CUL2: variants seen among roughly 807,000 people sequenced by gnomAD.
CUL2 encodes the protein cullin-2.
CUL2 carries 22 observed loss-of-function variants against 110.2 expected under a neutral mutation model. The ratio of observed to expected loss-of-function variants is 0.20; its 90% CI spans 0.14 to 0.28. The LOEUF is 0.28. CUL2 is among the 10% of genes least tolerant of loss of function. The pLI is 1.00. For synonymous variants in CUL2, 279 were observed against 293.2 expected, an observed-to-expected ratio of 0.95 and a Z score of 0.49; for missense variants, 631 against 905.5, an observed-to-expected ratio of 0.70 and a Z score of 3.89.
chr10:35,074,132 C>G (rs1257996711), intron 1 of CUL2: 5 of 1,493,950 alleles, frequency 3.3e-6, no homozygotes, highest in Non-Finnish European at 4.5e-6. Flanking sequence ...AAACAAAGTT[C>G]TTGACTTCAA....
chr10:35,089,156 C>G (rs2087135821), intron 1 of CUL2, among the ~76,000 whole-genome samples: 1 of 152,200 alleles, frequency 6.6e-6, no homozygotes, highest in Admixed American at 6.5e-5. Flanking sequence ...GCCTGGGTGA[C>G]AAGAGCAAAA....
rs975318242 is a variant in CUL2, at chr10:35,009,309, G to A, written c.*1002C>T. On this transcript the variant is annotated 3_prime_UTR_variant, in exon 21 of 21. Transcript: ENST00000374749. ...TAAAAAAGTATTTAGGTTATGCATT[G>A]CTAAGCACATCTGTGATTGATGAGA... 7 of 151,088 alleles carry A rather than the reference G, an allele frequency of 4.6e-5. No homozygotes were observed. Among genetic ancestry groups the A allele is most frequent in the African/African-American group, 1.7e-4 (7 of 41,062 alleles). 9.4% of individuals were successfully genotyped at this position (151,088 alleles called of 1,614,324 possible).
chr10:35,030,735 G>C (rs1249228322), intron 14 of CUL2, among the ~76,000 whole-genome samples: 1 of 152,010 alleles, frequency 6.6e-6, no homozygotes, highest in Non-Finnish European at 1.5e-5. Context: ...GTTTAAAAAA[G>C]AGCACACAGC....
At chr10:35,071,077 AGAT>A (rs1404568852) in intron 2 of CUL2, 119 bp downstream of exon 2, 2 of 904,450 alleles carry the variant, frequency 2.2e-6, no homozygotes, top group Admixed American at 2.6e-5. Flanking sequence ...TTGGAAATGT[AGAT>A]GATAATATAT....
upstream of CUL2, among the ~76,000 whole-genome samples, chr10:35,094,407 G>C (rs1020478786): frequency 6.6e-6 from 1 of 152,204 alleles, no homozygotes; most frequent in South Asian, 2.1e-4. Context: ...AGCTAATTTT[G>C]TATTTTTAGT....
rs199989127 is a variant in CUL2, at chr10:35,021,495, AGAT to A, written c.1684+3634_1684+3636del. ...CAAATATGTAGTGATAAAACTATATAGATGATATTTCCATAATTAATACATGTT... is the reference window on the plus strand; with the variant it reads ...CAAATATGTAGTGATAAAACTATATAGATATTTCCATAATTAATACATGTT... On this transcript the variant is annotated intron_variant, in intron 17 of 20. Transcript: ENST00000374749. Among the ~76,000 whole-genome samples, 1,093 of 151,602 alleles carry A rather than the reference AGAT, an allele frequency of 7.2e-3. 50 individuals carry two copies. In the South Asian group the frequency reaches 0.13, roughly 18 times the overall value.
At chr10:35,099,475 T>G (rs1461021741) in intron 2 of CUL2, 1 of 151,390 alleles carries the variant, frequency 6.6e-6, no homozygotes, top group African/African-American at 2.4e-5. Context: ...AAGTAGAAAC[T>G]ACCCAAGATT....
At chr10:35,051,695 T>A (rs2086116672) in intron 5 of CUL2, among the ~76,000 whole-genome samples, 1 of 152,254 alleles carries the variant, frequency 6.6e-6, no homozygotes. Flanking sequence ...AATTCTTTAA[T>A]GTTTATTGTC....
intron 9 of CUL2, among the ~76,000 whole-genome samples, chr10:35,038,046 G>C (rs549447949): frequency 6.6e-6 from 1 of 151,842 alleles, no homozygotes; most frequent in East Asian, 2.0e-4. Flanking sequence ...CCAGCTACTT[G>C]GGAGGCTGAG....
intron 1 of CUL2, among the ~76,000 whole-genome samples, chr10:35,117,509 C>T (rs1038699328): frequency 5.3e-5 from 8 of 150,394 alleles, no homozygotes; most frequent in Admixed American, 1.3e-4. Flanking sequence ...GAATTACAGG[C>T]GTGAGTCACT....
intron 8 of CUL2, among the ~76,000 whole-genome samples, chr10:35,042,846 CCAGT>C (rs2085829567): frequency 6.6e-6 from 1 of 152,098 alleles, no homozygotes; most frequent in South Asian, 2.1e-4. Context: ...AACTTGAAAG[CCAGT>C]CGGTCAGTAG....
At chr10:35,116,475 ATATC>A (rs1348352232) in intron 1 of CUL2, among the ~76,000 whole-genome samples, 12 of 152,216 alleles carry the variant, frequency 7.9e-5, no homozygotes, top group Non-Finnish European at 1.6e-4. Context: ...GAAAAGATCT[ATATC>A]TATTGTTTCT....
chr10:35,051,972 T>C (rs1054418136), intron 5 of CUL2, among the ~76,000 whole-genome samples: 3 of 152,234 alleles, frequency 2.0e-5, no homozygotes, highest in African/African-American at 4.8e-5. Flanking sequence ...CCTAAGGTAA[T>C]AGGCATATGT....
chr10:35,065,618 CAAAAATAAATAAATAAAT>C (rs1166394507), intron 2 of CUL2, among the ~76,000 whole-genome samples: 7 of 150,594 alleles, frequency 4.6e-5, no homozygotes, highest in African/African-American at 1.7e-4. Flanking sequence ...GACTCCATCT[CAAAAATAAATAAATAAAT>C]AAAAATTTAA....
chr10:35,041,456 C>T (rs930371492), intron 8 of CUL2, among the ~76,000 whole-genome samples: 1 of 152,144 alleles, frequency 6.6e-6, no homozygotes, highest in Non-Finnish European at 1.5e-5. Flanking sequence ...ACTCATTCCC[C>T]AATTAACTAA....
At chr10:35,125,592 C>A (rs968104332) in intron 1 of CUL2, among the ~76,000 whole-genome samples, 10 of 152,324 alleles carry the variant, frequency 6.6e-5, no homozygotes, top group African/African-American at 2.2e-4. Context: ...ATAATAAATC[C>A]TCACTTAACA....
At chr10:35,012,053 C>CTTTTT in intron 19 of CUL2, 89 bp from the exon 20 acceptor site, 1 of 475,718 alleles carries the variant, frequency 2.1e-6, no homozygotes. Context: ...AGTGCAAATA[C>CTTTTT]TTTTTTTTTT....
chr10:35,124,066 C>T (rs890697908), intron 1 of CUL2, among the ~76,000 whole-genome samples: 1 of 152,088 alleles, frequency 6.6e-6, no homozygotes, highest in Non-Finnish European at 1.5e-5. Context: ...GCCTGTAATC[C>T]CAACACTTTG....
intron 5 of CUL2, among the ~76,000 whole-genome samples, chr10:35,050,197 T>TGTAATCCCAGCTACTCGGGAG (rs1222031935): frequency 1.3e-5 from 2 of 152,014 alleles, no homozygotes; most frequent in African/African-American, 4.8e-5. Flanking sequence ...GGCATGCGCC[T>TGTAATCCCAGCTACTCGGGAG]GTAATCCCAG....
Sources: gnomAD v4.1 joint callset for allele counts (sites outside exome capture counted in the v4.1 genomes callset) on GRCh38, gnomAD v4.1.1 for gene constraint, MANE v1.5 for transcripts, NCBI Gene and HGNC (gene_info 2026-07-23, HGNC 2026-07-21) for gene names.